AKR1B15: variants seen among roughly 807,000 people sequenced by gnomAD.
AKR1B15 encodes the protein estradiol 17-beta-dehydrogenase AKR1B15.
A neutral mutation model predicts 38.5 loss-of-function variants in AKR1B15; 49 were observed. The ratio of observed to expected loss-of-function variants is 1.27; its 90% CI spans 1.01 to 1.62. The LOEUF is 1.62. AKR1B15 is among the 40% of genes most tolerant of loss of function. The pLI, the probability that AKR1B15 is intolerant of heterozygous loss-of-function variation, is 0.00. For missense variants in AKR1B15, 411 were observed against 381.6 expected, an observed-to-expected ratio of 1.08 and a Z score of -0.64; for synonymous variants, 137 against 135.5, an observed-to-expected ratio of 1.01 and a Z score of -0.08.
chr7:134,550,863 T>G (rs1793943408), intron 1 of AKR1B15, among the ~76,000 whole-genome samples: 1 of 152,178 alleles, frequency 6.6e-6, no homozygotes, highest in Non-Finnish European at 1.5e-5. Context: ...AGTTTGGAAC[T>G]GGGTGGCCCC....
At chr7:134,577,301 G>C (rs982588366) in intron 10 of AKR1B15, among the ~76,000 whole-genome samples, 1 of 152,206 alleles carries the variant, frequency 6.6e-6, no homozygotes, top group Admixed American at 6.5e-5. Flanking sequence ...CCACTGAGAA[G>C]ACCCTCAGTT....
At chr7:134,578,471 G>T (rs1002663516) in intron 11 of AKR1B15, among the ~76,000 whole-genome samples, 1 of 152,180 alleles carries the variant, frequency 6.6e-6, no homozygotes, top group African/African-American at 2.4e-5. Flanking sequence ...CCTCTTAAAG[G>T]AGGTGGTGCT....
intron 4 of AKR1B15, among the ~76,000 whole-genome samples, chr7:134,568,767 C>G (rs893933140): frequency 6.6e-6 from 1 of 151,596 alleles, no homozygotes; most frequent in African/African-American, 2.4e-5. Flanking sequence ...TTTATTCAGT[C>G]TAGTAAAAGT....
chr7:134,561,759 A>G (rs28729518), intron 2 of AKR1B15, among the ~76,000 whole-genome samples: 78,595 of 151,522 alleles, frequency 0.52, 20,502 homozygotes, highest in African/African-American at 0.57. Flanking sequence ...CTGTCATGGC[A>G]TGTCACAGCA....
At chr7:134,561,325 G>A (rs1194031355) in intron 2 of AKR1B15, among the ~76,000 whole-genome samples, 1 of 152,010 alleles carries the variant, frequency 6.6e-6, no homozygotes, top group African/African-American at 2.4e-5. Flanking sequence ...GTGATTCTCA[G>A]GCCTCCCAAG....
At chr7:134,562,971 T>C (rs186988543) in intron 2 of AKR1B15, among the ~76,000 whole-genome samples, 2 of 151,474 alleles carry the variant, frequency 1.3e-5, no homozygotes, top group African/African-American at 4.8e-5. Context: ...CTGTCTGTTT[T>C]CTCTATTCCT....
intron 2 of AKR1B15, among the ~76,000 whole-genome samples, 154 bp downstream of exon 2, chr7:134,557,013 T>G (rs1348779353): frequency 6.6e-6 from 1 of 152,336 alleles, no homozygotes; most frequent in African/African-American, 2.4e-5. Context: ...AGAAAGTTGT[T>G]GTTTCTATGC....
rs1794667765 is a variant in AKR1B15 at position 134,571,597 on chromosome 7, T to C, written c.436-7T>C. The stretch of plus-strand genomic sequence containing the variant: ...ATTCCAGTAAACTTTTCATTCTGTA[T>C]TTACAGACTGGGGATGACTTTTTCC... On this transcript the variant is annotated splice_polypyrimidine_tract_variant and splice_region_variant and intron_variant, in intron 5 of 11. Coordinates refer to ENST00000457545, the MANE Select transcript of AKR1B15 (RefSeq NM_001080538.3). 6.2e-7 allele frequency: 1 copy of C among 1,610,944 alleles called. No homozygotes were observed. The highest frequency in any genetic ancestry group is 8.5e-7 in the Non-Finnish European group (1 of 1,177,406).
chr7:134,579,145 A>G (rs180719238), intron 11 of AKR1B15, among the ~76,000 whole-genome samples: 1 of 152,252 alleles, frequency 6.6e-6, no homozygotes, highest in African/African-American at 2.4e-5. Context: ...CGGTGGTATT[A>G]TCTCATTTAA....
chr7:134,567,178 T>G (rs1794556131), intron 3 of AKR1B15, among the ~76,000 whole-genome samples: 1 of 152,178 alleles, frequency 6.6e-6, no homozygotes, highest in African/African-American at 2.4e-5. Context: ...TTTGTGTACT[T>G]TTCAATGTTT....
At chr7:134,553,609 A>G (rs1264931508) in intron 1 of AKR1B15, among the ~76,000 whole-genome samples, 1 of 152,224 alleles carries the variant, frequency 6.6e-6, no homozygotes, top group East Asian at 1.9e-4. Context: ...ACCTTGCTAC[A>G]AAGTGCTTCT....
chr7:134,578,910 A>G (rs1190143585), intron 11 of AKR1B15, among the ~76,000 whole-genome samples: 1 of 152,230 alleles, frequency 6.6e-6, no homozygotes, highest in African/African-American at 2.4e-5. Context: ...TTACTTTCCT[A>G]TGAGCATCAT....
intron 4 of AKR1B15, 26 bp downstream of exon 4, chr7:134,568,351 G>T (rs1285183470): frequency 5.6e-6 from 9 of 1,612,066 alleles, no homozygotes; most frequent in African/African-American, 1.3e-5. Context: ...TTGGTGGGAG[G>T]CCTTCACTTC....
chr7:134,565,079 G>A (rs1425820785), intron 3 of AKR1B15: 1 of 301,938 alleles, frequency 3.3e-6, no homozygotes, highest in Non-Finnish European at 6.2e-6. Context: ...GCAAATAATG[G>A]AATAAAAGCT....
At position 134,579,665 on chromosome 7, in the gene AKR1B15, C is replaced by T. The variant is rs1794841715; in HGVS notation, c.*116C>T. The stretch of plus-strand genomic sequence containing the variant: ...ATCTGAGATCACAGTGAACTTTGTC[C>T]TGTTGTAGACCAGAATGGAGGTGCT... On this transcript the variant is annotated 3_prime_UTR_variant, in exon 12 of 12. Coordinates refer to ENST00000457545, the MANE Select transcript of AKR1B15 (RefSeq NM_001080538.3). 5.4e-6 allele frequency: 5 copies of T among 919,116 alleles called. No homozygotes were observed. Among genetic ancestry groups the T allele is most frequent in the Middle Eastern group, 3.4e-4 (1 of 2,954 alleles). The allele number at this position is 919,116 out of a possible 1,614,324, so 56.9% of individuals were successfully genotyped here.
In AKR1B15 at chr7:134,571,663, G is replaced by C. The variant is rs141624275; in HGVS notation, c.495G>C (p.Thr165=). 1.2e-6 allele frequency: 2 copies of C among 1,613,524 alleles called. No homozygotes were observed. The highest frequency in any genetic ancestry group is 1.7e-6 in the Non-Finnish European group (2 of 1,179,792). The change falls in exon 6 of 12, where the codon ACG becomes ACC. Residue 165 remains threonine (T), a synonymous_variant. Transcript: ENST00000457545. ...DKGNMISGKG[T]FLDAWEAMEE... is the part of the protein sequence containing the mutation. Reference sequence around the variant, plus strand: ...GTAATATGATCAGTGGAAAAGGAACGTTCTTGGATGCCTGGGAGGTAGGTT... The same window carrying C: ...GTAATATGATCAGTGGAAAAGGAACCTTCTTGGATGCCTGGGAGGTAGGTT...
chr7:134,576,092 A>G (rs1794763223), intron 8 of AKR1B15, among the ~76,000 whole-genome samples, 165 bp downstream of exon 8: 1 of 151,992 alleles, frequency 6.6e-6, no homozygotes, highest in African/African-American at 2.4e-5. Flanking sequence ...AATGGGAATT[A>G]AACAACAACA....
chr7:134,569,496 C>T lies in AKR1B15; in HGVS notation c.402C>T (p.Asp134=), dbSNP rs373050905. 6.5e-4 allele frequency: 1,052 copies of T among 1,614,078 alleles called. 17 individuals carry two copies. In the South Asian group the frequency reaches 0.01, roughly 16 times the overall value. The part of the protein sequence containing the change: ...TLKDLKLSYL[D]VYLIHWPQGF... The stretch of plus-strand genomic sequence containing the variant: ...AGGACCTGAAGCTGAGCTATCTGGA[C>T]GTCTATCTTATTCACTGGCCACAGG... The change falls in exon 5 of 12, where the codon GAC becomes GAT. Residue 134 remains aspartate, a synonymous_variant. Transcript: ENST00000457545.
intron 6 of AKR1B15, among the ~76,000 whole-genome samples, chr7:134,572,394 C>G (rs1327578347): frequency 1.3e-5 from 2 of 151,982 alleles, no homozygotes; most frequent in African/African-American, 4.8e-5. Flanking sequence ...TTTGGGAAGC[C>G]GAGGTGGAAG....
Sources: gnomAD v4.1 joint callset for allele counts (sites outside exome capture counted in the v4.1 genomes callset) on GRCh38, gnomAD v4.1.1 for gene constraint, MANE v1.5 for transcripts, NCBI Gene and HGNC (gene_info 2026-07-23, HGNC 2026-07-21) for gene names.